The following PCNX2 variants were observed in gnomAD, a reference collection of about 807,000 sequenced individuals.
The protein encoded by PCNX2 is pecanex 2.
In PCNX2, 168 loss-of-function variants were observed where a neutral mutation model predicts 223.8. The observed-to-expected ratio is 0.75, with a 90% CI of 0.66 to 0.85. The LOEUF is 0.85. PCNX2 is among the 40% of genes least tolerant of loss of function. The pLI is 0.00. For synonymous variants in PCNX2, 1,006 were observed against 1,052.6 expected, an observed-to-expected ratio of 0.96 and a Z score of 0.86; for missense variants, 2,507 against 2,675.5, an observed-to-expected ratio of 0.94 and a Z score of 1.39.
chr1:233,250,865 G>T, intron 7 of PCNX2, 33 bp from the exon 8 acceptor site: 1 of 1,540,362 alleles, frequency 6.5e-7, no homozygotes, highest in South Asian at 1.2e-5. Context: ...CAAAGAATAT[G>T]ACATAATTAT....
rs554712199 is a variant in PCNX2, at chr1:233,210,526, G to A, written c.2692-1837C>T. 1.0e-3 allele frequency: 928 copies of A among 930,370 alleles called. 2 individuals carry two copies. The highest frequency in any genetic ancestry group is 1.6e-3 in the Middle Eastern group (3 of 1,838). 57.6% of individuals were successfully genotyped at this position (930,370 alleles called of 1,614,324 possible). A position where few individuals can be genotyped will look rare whatever the true frequency, so the allele number is the denominator to read the frequency against. ...ACTCCTGACCTCAGGTGATCCACCC[G>A]ACTTGGCCTCCCAAAGTGCTGGGAT... On this transcript the variant is annotated intron_variant, in intron 12 of 33. Coordinates refer to ENST00000258229, the MANE Select transcript of PCNX2 (RefSeq NM_014801.4).
intron 1 of PCNX2, among the ~76,000 whole-genome samples, chr1:233,268,443 G>C (rs1660463104): frequency 6.6e-6 from 1 of 152,164 alleles, no homozygotes; most frequent in African/African-American, 2.4e-5. Context: ...GGACACTCTT[G>C]GGGGCTCATC....
At chr1:233,114,700 G>A (rs146789204) in intron 21 of PCNX2, among the ~76,000 whole-genome samples, 10 of 152,304 alleles carry the variant, frequency 6.6e-5, no homozygotes, top group African/African-American at 1.4e-4. Context: ...ACTACGGAGC[G>A]ACAGGCGCAT....
At chr1:233,182,158 G>A (rs1241370416) in intron 15 of PCNX2, among the ~76,000 whole-genome samples, 1 of 151,762 alleles carries the variant, frequency 6.6e-6, no homozygotes, top group Non-Finnish European at 1.5e-5. Flanking sequence ...CCTACTCAAT[G>A]GTTGTTGTGA....
intron 4 of PCNX2, among the ~76,000 whole-genome samples, chr1:233,260,537 GA>G (rs1478334901): frequency 6.6e-6 from 1 of 152,064 alleles, no homozygotes; most frequent in African/African-American, 2.4e-5. Context: ...CAATAATATA[GA>G]AAAAATATGG....
In PCNX2 at chr1:233,258,389, T is replaced by C; in HGVS notation, c.1473A>G (p.Glu491=). The C allele has an allele frequency of 1.9e-6, 3 of 1,613,996 alleles. No individual in the cohort carries two copies. The highest frequency in any genetic ancestry group is 2.5e-6 in the Non-Finnish European group (3 of 1,179,888). The change falls in exon 5 of 34, where the codon GAA becomes GAG. Residue 491 remains glutamate, a synonymous_variant. Coordinates refer to ENST00000258229, the MANE Select transcript of PCNX2 (RefSeq NM_014801.4). ...DHSSSSREPW[E]SVSRLTPDTG... is the part of the protein sequence containing the mutation. ...TATCAGGTGTAAGCCGGGACACCGA[T>C]TCCCAGGGTTCCCGTGATGAAGAAC...
chr1:233,056,511 C>T (rs893698993), intron 24 of PCNX2, among the ~76,000 whole-genome samples: 13 of 152,214 alleles, frequency 8.5e-5, no homozygotes, highest in Admixed American at 8.5e-4. Context: ...AGTACCTCTC[C>T]TCCCTCATTG....
intron 25 of PCNX2, among the ~76,000 whole-genome samples, chr1:233,032,235 T>C (rs1448895118): frequency 6.6e-6 from 1 of 152,076 alleles, no homozygotes; most frequent in Non-Finnish European, 1.5e-5. Flanking sequence ...CCCAAGTAGC[T>C]GGGATTGCAG....
Position 232,984,079 on chromosome 1 carries a change from A to G in PCNX2, c.*225T>C, listed in dbSNP as rs1327729325. On this transcript the variant is annotated 3_prime_UTR_variant, in exon 34 of 34. Transcript: ENST00000258229. ...TGTTGCTTTTTTTTGTTTCCCCATC[A>G]TGTGAGGTTTTTTTGTTGTTGTTGT... The G allele has an allele frequency of 2.9e-6, 1 of 350,266 alleles. No homozygotes were observed. The highest frequency in any genetic ancestry group is 4.5e-6 in the Non-Finnish European group (1 of 220,362). 21.7% of individuals were successfully genotyped at this position (350,266 alleles called of 1,614,324 possible).
intron 21 of PCNX2, chr1:233,112,956 T>C (rs1310797976): frequency 2.3e-6 from 3 of 1,289,230 alleles, no homozygotes. Flanking sequence ...TCTTTGTGTG[T>C]GGGTGCCGTC....
chr1:233,156,888 A>T (rs186438445), intron 19 of PCNX2, among the ~76,000 whole-genome samples: 78 of 152,280 alleles, frequency 5.1e-4, no homozygotes, highest in African/African-American at 1.8e-3. Flanking sequence ...ACTGCCCTCC[A>T]GCCTGGGTGA....
chr1:233,150,335 T>C (rs756089400), intron 19 of PCNX2, among the ~76,000 whole-genome samples: 1 of 152,156 alleles, frequency 6.6e-6, no homozygotes, highest in Non-Finnish European at 1.5e-5. Context: ...ATATCTACTC[T>C]CCAGGTTCCC....
chr1:233,192,809 T>C (rs1442383354), intron 15 of PCNX2, among the ~76,000 whole-genome samples: 1 of 151,514 alleles, frequency 6.6e-6, no homozygotes, highest in Admixed American at 6.6e-5. Flanking sequence ...TCAGTTATGC[T>C]ATGTGAAGTA....
chr1:233,154,239 G>A (rs994785338), intron 19 of PCNX2, among the ~76,000 whole-genome samples: 15 of 152,012 alleles, frequency 9.9e-5, no homozygotes, highest in East Asian at 5.8e-4. Context: ...ACACCAAGTC[G>A]AACTAATTTT....
intron 28 of PCNX2, among the ~76,000 whole-genome samples, chr1:233,003,854 G>A (rs1049348707): frequency 6.6e-6 from 1 of 152,158 alleles, no homozygotes; most frequent in Admixed American, 6.5e-5. Context: ...CCTTTGCAGG[G>A]ACATGGATGA....
intron 28 of PCNX2, among the ~76,000 whole-genome samples, chr1:233,002,696 A>G (rs998440960): frequency 6.6e-6 from 1 of 152,242 alleles, no homozygotes; most frequent in African/African-American, 2.4e-5. Flanking sequence ...TGTATAGCCA[A>G]TACAATCCTA....
chr1:233,247,219 T>C (rs1370046244), intron 8 of PCNX2, among the ~76,000 whole-genome samples: 1 of 152,206 alleles, frequency 6.6e-6, no homozygotes, highest in Non-Finnish European at 1.5e-5. Context: ...TTCAATGCTG[T>C]AATTTTGCTA....
At position 232,991,817 on chromosome 1, in the gene PCNX2, C is replaced by T. The variant is rs559289006; in HGVS notation, c.5792-5277G>A. Among the ~76,000 whole-genome samples, 5 of 152,274 alleles carry T rather than the reference C, an allele frequency of 3.3e-5. No individual in the cohort carries two copies. The highest frequency in any genetic ancestry group is 1.9e-4 in the East Asian group (1 of 5,162). ...TCAGGAGGAACCAAGCCTGCCCACA[C>T]CTGGATCTCAGACTTCCAGCCTCCA... On this transcript the variant is annotated intron_variant, in intron 32 of 33. Coordinates refer to ENST00000258229, the MANE Select transcript of PCNX2 (RefSeq NM_014801.4). This position sits in a 1 kb window ranked among gnomAD's most constrained non-coding sequence, Gnocchi z 4.3.
At chr1:233,007,327 T>C (rs1171523426) in intron 28 of PCNX2, among the ~76,000 whole-genome samples, 1 of 151,934 alleles carries the variant, frequency 6.6e-6, no homozygotes, top group Non-Finnish European at 1.5e-5. Flanking sequence ...TTCTCACGGA[T>C]GCATGATGTA....
Sources: allele counts gnomAD v4.1 joint callset (sites outside exome capture counted in the v4.1 genomes callset), GRCh38; gene constraint gnomAD v4.1.1; non-coding constraint Gnocchi (gnomAD v3.1); transcripts MANE v1.5; gene names NCBI Gene and HGNC (gene_info 2026-07-23, HGNC 2026-07-21).